Variants in SRGAP3 observed in about 807,000 individuals in gnomAD.
SRGAP3 encodes SLIT-ROBO Rho GTPase activating protein 3, also known as SLIT-ROBO Rho GTPase-activating protein 3.
A neutral mutation model predicts 121.1 loss-of-function variants in SRGAP3; 39 were observed. That is an observed-to-expected ratio of 0.32 (90% confidence interval 0.25 to 0.42). The LOEUF (loss-of-function observed/expected upper bound fraction) is 0.42, where lower values mean the gene tolerates loss of function less well. SRGAP3 is among the 10% of genes least tolerant of loss of function. The pLI is 1.00. For missense variants in SRGAP3, 1,213 were observed against 1,470.6 expected, an observed-to-expected ratio of 0.82 and a Z score of 2.86; for synonymous variants, 601 against 570.0, an observed-to-expected ratio of 1.05 and a Z score of -0.77.
In SRGAP3 at chr3:9,318,016, AT is replaced by A. The variant is rs552167376; in HGVS notation, n.442+7993del. Reference sequence around the variant, plus strand: ...ACACAAAATATAACATTTCAATTTCATTTTTAGCCCCTATCCGACTAGAGTG... The same window carrying A: ...ACACAAAATATAACATTTCAATTTCATTTTAGCCCCTATCCGACTAGAGTG... On this transcript the variant is annotated intron_variant and non_coding_transcript_variant, in intron 3 of 3. Transcript: ENST00000490889. 8.8e-3 allele frequency among the ~76,000 whole-genome samples: 1,343 copies of A among 152,142 alleles called. 40 individuals are homozygous for A. Among genetic ancestry groups the A allele is most frequent in the Non-Finnish European group, 5.8e-3 (392 of 68,012 alleles).
intron 10 of SRGAP3, among the ~76,000 whole-genome samples, chr3:9,043,114 A>G (rs1219892981): frequency 6.6e-6 from 1 of 151,998 alleles, no homozygotes; most frequent in Non-Finnish European, 1.5e-5. Context: ...TCTCAGCCCA[A>G]AGTTTTCATT....
At chr3:9,287,011 G>GT (rs1559260726) in intron 3 of SRGAP3, among the ~76,000 whole-genome samples, 2 of 117,298 alleles carry the variant, frequency 1.7e-5, no homozygotes, top group African/African-American at 3.4e-5. Flanking sequence ...TTTTTTTTTG[G>GT]GACAGGGTCT....
intron 1 of SRGAP3, among the ~76,000 whole-genome samples, chr3:9,148,143 A>G (rs1278108881): frequency 2.0e-5 from 3 of 152,156 alleles, no homozygotes; most frequent in Non-Finnish European, 1.5e-5. Flanking sequence ...AAGGGCATCA[A>G]CTTCAGGGAG....
intron 14 of SRGAP3, among the ~76,000 whole-genome samples, chr3:9,018,537 T>C (rs1943754247): frequency 1.3e-5 from 2 of 152,228 alleles, no homozygotes; most frequent in African/African-American, 4.8e-5. Flanking sequence ...GCCTTTTTAA[T>C]AATAGCCATT....
intron 2 of SRGAP3, among the ~76,000 whole-genome samples, chr3:9,106,480 C>T (rs926869916): frequency 5.3e-5 from 8 of 152,158 alleles, no homozygotes; most frequent in Non-Finnish European, 1.0e-4. Flanking sequence ...CCACTATTAG[C>T]GTTTTTTGAG....
chr3:9,274,318 G>A (rs1369225682), intron 3 of SRGAP3, among the ~76,000 whole-genome samples: 1 of 152,248 alleles, frequency 6.6e-6, no homozygotes, highest in Non-Finnish European at 1.5e-5. Flanking sequence ...CTGGAGTTCA[G>A]GGGCAGTGGA....
chr3:9,108,454 C>CA (rs35478510), intron 2 of SRGAP3, among the ~76,000 whole-genome samples: 1 of 151,918 alleles, frequency 6.6e-6, no homozygotes, highest in African/African-American at 2.4e-5. Context: ...TCCGTCTCTA[C>CA]AAAAAATTTA....
At chr3:9,022,611 T>C (rs1215799001) in intron 14 of SRGAP3, among the ~76,000 whole-genome samples, 3 of 152,090 alleles carry the variant, frequency 2.0e-5, no homozygotes, top group Admixed American at 6.5e-5. Context: ...GGCATATGCT[T>C]GGTGAATATC....
chr3:9,348,350 G>A (rs1412950858), intron 1 of SRGAP3: 2 of 445,240 alleles, frequency 4.5e-6, no homozygotes, highest in East Asian at 4.7e-5. Context: ...AAAGAAAAGG[G>A]AGAAAGACTA....
intron 1 of SRGAP3, among the ~76,000 whole-genome samples, chr3:9,136,869 T>G (rs899531031): frequency 6.6e-6 from 1 of 152,206 alleles, no homozygotes; most frequent in Non-Finnish European, 1.5e-5. Flanking sequence ...TGCCAAAAGC[T>G]GGATCTGGGA....
chr3:9,115,660 G>A (rs1460540611), intron 2 of SRGAP3, among the ~76,000 whole-genome samples: 1 of 152,118 alleles, frequency 6.6e-6, no homozygotes. Flanking sequence ...AATTGTGGAG[G>A]ATAAAGAAGG....
chr3:9,320,497 C>A (rs1277016534), intron 3 of SRGAP3, among the ~76,000 whole-genome samples: 1 of 151,848 alleles, frequency 6.6e-6, no homozygotes, highest in African/African-American at 2.4e-5. Context: ...CCACCTCTCT[C>A]TCTTGCTCCT....
intron 2 of SRGAP3, among the ~76,000 whole-genome samples, chr3:9,111,429 G>A (rs1948618390): frequency 6.6e-6 from 1 of 152,248 alleles, no homozygotes; most frequent in African/African-American, 2.4e-5. Context: ...GGGCAAAGGC[G>A]CCTCAGGGCG....
chr3:9,106,494 G>A (rs1257902313), intron 2 of SRGAP3, among the ~76,000 whole-genome samples: 1 of 152,174 alleles, frequency 6.6e-6, no homozygotes, highest in East Asian at 1.9e-4. Context: ...TTTTGAGGAA[G>A]GCAATTGATA....
In SRGAP3 at chr3:9,287,257, G is replaced by A. The variant is rs1270152507; in HGVS notation, n.442+38753C>T. On this transcript the variant is annotated intron_variant and non_coding_transcript_variant, in intron 3 of 3. Coordinates refer to the SRGAP3 transcript ENST00000490889. ...TCCTCCCACCTCACCCTCGTGAACT[G>A]CTGGGATGACAGGCGTGAACCACCA... 2.6e-5 allele frequency among the ~76,000 whole-genome samples: 4 copies of A among 152,052 alleles called. No individual in the cohort carries two copies. In the East Asian group the frequency reaches 7.7e-4, roughly 29 times the overall value.
At position 8,994,344 on chromosome 3, in the gene SRGAP3, T is replaced by G; in HGVS notation, c.2407A>C (p.Met803Leu). 6.2e-7 allele frequency: 1 copy of G among 1,614,132 alleles called. No individual in the cohort carries two copies. The highest frequency in any genetic ancestry group is 1.1e-5 in the South Asian group (1 of 91,084). The change falls in exon 19 of 22, where the codon ATG (methionine) becomes CTG (leucine). Residue 803 changes from methionine to leucine, a missense_variant and splice_region_variant. This residue lies in a region of SRGAP3 where 420 missense variants were observed against 437.7 expected (regional missense o/e 0.96). Coordinates refer to ENST00000383836, the MANE Select transcript of SRGAP3 (RefSeq NM_014850.4). ...CACAGAATTCTCGACTCCACTCACA[T>G]GTCCTGTACAACTATGTACTGATGG... ...IPHQYIVVQD[M>L]DDAFSDSLSQ...
chr3:9,029,875 C>T (rs556768), intron 12 of SRGAP3, among the ~76,000 whole-genome samples: 20,875 of 151,856 alleles, frequency 0.14, 1,677 homozygotes, highest in East Asian at 0.28. Context: ...AGTGCAGTGG[C>T]GCATGCCTGT....
At chr3:9,087,786 G>A (rs1424402137) in intron 3 of SRGAP3, among the ~76,000 whole-genome samples, 5 of 152,132 alleles carry the variant, frequency 3.3e-5, no homozygotes, top group Admixed American at 6.6e-5. Context: ...CCAGGGCTAC[G>A]CTTCAGGAAG....
chr3:9,001,371 G>A (rs1440809826), intron 18 of SRGAP3, among the ~76,000 whole-genome samples: 5 of 152,060 alleles, frequency 3.3e-5, no homozygotes, highest in Non-Finnish European at 7.4e-5. Flanking sequence ...CCAATTATCT[G>A]TCCATCAAAA....
Sources: allele counts gnomAD v4.1 joint callset (sites outside exome capture counted in the v4.1 genomes callset), GRCh38; gene constraint gnomAD v4.1.1; regional missense constraint gnomAD v4.1.1; transcripts MANE v1.5; gene names NCBI Gene and HGNC (gene_info 2026-07-23, HGNC 2026-07-21).